The following LRRC4C variants were observed in gnomAD, a reference collection of about 807,000 sequenced individuals.
The protein encoded by LRRC4C is leucine-rich repeat-containing protein 4C.
LRRC4C carries 5 observed loss-of-function variants against 33.6 expected under a neutral mutation model. The ratio of observed to expected loss-of-function variants is 0.15; its 90% CI spans 0.08 to 0.31. LRRC4C has a LOEUF of 0.31. Among genes scored for constraint, LRRC4C ranks in the 10% least tolerant of loss-of-function variants. The pLI is 1.00. For missense variants in LRRC4C, 560 were observed against 796.7 expected (o/e 0.70, Z 3.58); for synonymous variants, 329 against 302.0 (o/e 1.09, Z -0.93).
At chr11:40,978,700 C>A (rs900162715) in intron 1 of LRRC4C, among the ~76,000 whole-genome samples, 96 of 150,978 alleles carry the variant, frequency 6.4e-4, no homozygotes, top group African/African-American at 2.3e-3. Flanking sequence ...CAGCTCACTG[C>A]AACCTCCGCC....
At chr11:40,513,422 G>A (rs78382512) in intron 3 of LRRC4C, among the ~76,000 whole-genome samples, 2,084 of 152,078 alleles carry the variant, frequency 0.014, 55 homozygotes, top group African/African-American at 0.047. Context: ...CTAGGGAATG[G>A]GATAAGCACC....
In LRRC4C at chr11:41,451,244, C is replaced by T. The variant is rs1168446586; in HGVS notation, c.-496+8187G>A. Among the ~76,000 whole-genome samples the T allele has an allele frequency of 2.6e-5, 4 of 152,058 alleles. No individual in the cohort carries two copies. In the East Asian group the frequency reaches 7.7e-4, roughly 29 times the overall value. ...AACATTCATTGAGAATTCTGACTGA[C>T]TTATGCAAAAGTGTTCTTGACCTAA... On this transcript the variant is annotated intron_variant, in intron 1 of 6. Coordinates refer to ENST00000528697, the MANE Select transcript of LRRC4C (RefSeq NM_001258419.2).
intron 1 of LRRC4C, among the ~76,000 whole-genome samples, chr11:41,428,672 C>G (rs1955127547): frequency 6.6e-6 from 1 of 152,102 alleles, no homozygotes. Flanking sequence ...TGGTTAGATT[C>G]TTTCCTGGGA....
At chr11:41,104,851 A>G (rs564192364) in intron 1 of LRRC4C, among the ~76,000 whole-genome samples, 11 of 152,130 alleles carry the variant, frequency 7.2e-5, no homozygotes, top group East Asian at 3.9e-4. Context: ...GTCATAAATT[A>G]TATAATTTCA....
At chr11:40,955,196 G>A (rs1353260897) in intron 1 of LRRC4C, among the ~76,000 whole-genome samples, 1 of 151,758 alleles carries the variant, frequency 6.6e-6, no homozygotes, top group Non-Finnish European at 1.5e-5. Flanking sequence ...CTATTCAAGG[G>A]TCTAAAAACA....
chr11:40,847,342 GT>G (rs1339092481), intron 2 of LRRC4C, among the ~76,000 whole-genome samples: 2 of 152,058 alleles, frequency 1.3e-5, no homozygotes, highest in Non-Finnish European at 2.9e-5. Flanking sequence ...TTTATTGAAT[GT>G]TTTTTAGCAT....
At chr11:40,471,283 C>CTAAA (rs1056709877) in intron 3 of LRRC4C, among the ~76,000 whole-genome samples, 11 of 152,134 alleles carry the variant, frequency 7.2e-5, no homozygotes, top group Non-Finnish European at 1.6e-4. Flanking sequence ...TTCAGCCAAA[C>CTAAA]TAAACTTCAT....
chr11:40,586,503 C>G (rs1958752139), intron 3 of LRRC4C, among the ~76,000 whole-genome samples: 1 of 149,450 alleles, frequency 6.7e-6, no homozygotes, highest in African/African-American at 2.5e-5. Context: ...TCAATTTTCT[C>G]TTTTGTTGCC....
intron 2 of LRRC4C, among the ~76,000 whole-genome samples, chr11:40,702,885 G>T (rs906594463): frequency 2.0e-5 from 3 of 152,060 alleles, no homozygotes; most frequent in South Asian, 4.1e-4. Flanking sequence ...GTGTGAAAAG[G>T]ATTTAAAAGT....
chr11:40,699,474 G>A (rs1016148881), intron 2 of LRRC4C, among the ~76,000 whole-genome samples: 16 of 152,096 alleles, frequency 1.1e-4, no homozygotes, highest in Admixed American at 4.6e-4. Context: ...ACAACTAAGA[G>A]AGGAGCTATG....
intron 1 of LRRC4C, among the ~76,000 whole-genome samples, chr11:41,208,583 G>T (rs540122463): frequency 6.6e-6 from 1 of 152,200 alleles, no homozygotes. Flanking sequence ...TCCCACAGGG[G>T]CTATCAGGAG....
At chr11:40,458,251 CAT>C (rs370899465) in intron 3 of LRRC4C, among the ~76,000 whole-genome samples, 9 of 152,038 alleles carry the variant, frequency 5.9e-5, no homozygotes, top group South Asian at 2.1e-4. Flanking sequence ...CATGCACACA[CAT>C]GTGTATGTAG....
intron 6 of LRRC4C, among the ~76,000 whole-genome samples, chr11:40,117,663 A>G (rs373659372): frequency 6.6e-6 from 1 of 151,822 alleles, no homozygotes; most frequent in South Asian, 2.1e-4. Flanking sequence ...TCTCAACTCA[A>G]TAAACAGTGT....
chr11:41,155,148 G>A (rs1216350617), intron 1 of LRRC4C, among the ~76,000 whole-genome samples: 1 of 152,094 alleles, frequency 6.6e-6, no homozygotes, highest in Non-Finnish European at 1.5e-5. Flanking sequence ...ACAAGTCCTG[G>A]AGATTTAGTT....
chr11:41,232,312 G>A (rs1013694354), intron 1 of LRRC4C, among the ~76,000 whole-genome samples: 4 of 152,084 alleles, frequency 2.6e-5, no homozygotes, highest in South Asian at 2.1e-4. Context: ...TGATATACTG[G>A]ACTAGATAAT....
At chr11:40,820,464 C>G (rs930836344) in intron 2 of LRRC4C, among the ~76,000 whole-genome samples, 5 of 151,632 alleles carry the variant, frequency 3.3e-5, no homozygotes, top group African/African-American at 1.2e-4. Context: ...AATAAATTAG[C>G]CAGTATGAAG....
intron 3 of LRRC4C, among the ~76,000 whole-genome samples, chr11:40,583,201 C>A (rs1958555171): frequency 6.6e-6 from 1 of 152,160 alleles, no homozygotes; most frequent in Admixed American, 6.6e-5. Flanking sequence ...TAAATGCCTG[C>A]TCTATAACAT....
Position 41,176,967 on chromosome 11 carries a change from TAAAACAAAACAAAACAAAACAAAAC to T in LRRC4C, c.-495-243269_-495-243245del, listed in dbSNP as rs138933488. On this transcript the variant is annotated intron_variant, in intron 1 of 6. Coordinates refer to ENST00000528697, the MANE Select transcript of LRRC4C (RefSeq NM_001258419.2). ...GCGACAGAGTAATACTCCATCTCTA[TAAAACAAAACAAAACAAAACAAAAC>T]AAAACAAAACAAAACAAAACAAAAC... 2.9e-3 allele frequency among the ~76,000 whole-genome samples: 429 copies of T among 147,732 alleles called. 3 individuals carry two copies. The highest frequency in any genetic ancestry group is 4.2e-3 in the Non-Finnish European group (282 of 67,314).
chr11:40,904,593 G>A (rs1051792433), intron 2 of LRRC4C, among the ~76,000 whole-genome samples: 15 of 152,062 alleles, frequency 9.9e-5, no homozygotes, highest in Admixed American at 1.3e-4. Context: ...TGGGGGAGTG[G>A]CAAGTTGGTG....
Sources: gnomAD v4.1 joint callset for allele counts (sites outside exome capture counted in the v4.1 genomes callset) on GRCh38, gnomAD v4.1.1 for gene constraint, MANE v1.5 for transcripts, NCBI Gene and HGNC (gene_info 2026-07-23, HGNC 2026-07-21) for gene names.